TOMM40L: variants seen among roughly 807,000 people sequenced by gnomAD.
TOMM40L encodes the protein translocase of outer mitochondrial membrane 40 like.
In TOMM40L, 17 loss-of-function variants were observed where a neutral mutation model predicts 38.3. The ratio of observed to expected loss-of-function variants is 0.44; its 90% CI spans 0.30 to 0.67. The LOEUF is 0.67. TOMM40L is among the 30% of genes least tolerant of loss of function. The pLI, the probability that TOMM40L is intolerant of heterozygous loss-of-function variation, is 0.08. For missense variants in TOMM40L, 294 were observed against 390.0 expected, an observed-to-expected ratio of 0.75 and a Z score of 2.07; for synonymous variants, 151 against 150.2, an observed-to-expected ratio of 1.01 and a Z score of -0.04.
At position 161,229,105 on chromosome 1, in the gene TOMM40L, G is replaced by T. The variant is rs759761545; in HGVS notation, c.*10G>T. On this transcript the variant is annotated 3_prime_UTR_variant, in exon 10 of 10. Coordinates refer to ENST00000367988, the MANE Select transcript of TOMM40L (RefSeq NM_032174.6). ...CATCACTGTGGGCTGAGGTTGTCCAGAGCCAGCCCCCACAGCAGCTGGAAC... is the reference window on the plus strand; with the variant it reads ...CATCACTGTGGGCTGAGGTTGTCCATAGCCAGCCCCCACAGCAGCTGGAAC... The T allele has an allele frequency of 2.5e-5, 40 of 1,614,040 alleles. No individual in the cohort carries two copies. The highest frequency in any genetic ancestry group is 3.3e-5 in the Non-Finnish European group (39 of 1,180,034).
intron 8 of TOMM40L, 49 bp downstream of exon 8, chr1:161,228,553 C>A (rs1471365672): frequency 4.4e-6 from 7 of 1,605,566 alleles, no homozygotes; most frequent in African/African-American, 2.7e-5. Flanking sequence ...CAGTCATGAA[C>A]TTCTGTTCAT....
chr1:161,227,848 G>A, intron 5 of TOMM40L, 36 bp from the exon 6 acceptor site: 1 of 1,610,108 alleles, frequency 6.2e-7, no homozygotes, highest in Non-Finnish European at 8.5e-7. Flanking sequence ...ATCATAAAGA[G>A]GGAGGGAGAT....
At chr1:161,228,392 T>A in intron 7 of TOMM40L, 36 bp from the exon 8 acceptor site, 2 of 1,613,964 alleles carry the variant, frequency 1.2e-6, no homozygotes, top group Non-Finnish European at 1.7e-6. Context: ...ATACTACAGT[T>A]AACACTCCTT....
rs79157461 is a variant in TOMM40L, at chr1:161,228,915, T to A, written c.788-41T>A. The A allele has an allele frequency of 2.2e-3, 3,553 of 1,614,002 alleles. 83 individuals are homozygous for A. In the African/African-American group the frequency reaches 0.04, roughly 18 times the overall value. Reference sequence around the variant, plus strand: ...TACTTCTGGTGACTATTTCCTCCAATCCCTGTTAAATAATCTAGTGGGTAT... The same window carrying A: ...TACTTCTGGTGACTATTTCCTCCAAACCCTGTTAAATAATCTAGTGGGTAT... On this transcript the variant is annotated intron_variant, in intron 9 of 9. Coordinates refer to ENST00000367988, the MANE Select transcript of TOMM40L (RefSeq NM_032174.6).
chr1:161,229,573 T>C lies in TOMM40L; in HGVS notation c.*478T>C, dbSNP rs1230031382. ...AAGGAGCTTCTTTACCTCTTAGCCC[T>C]GAGGTTTCCTCCTTCCCATCTTCTG... On this transcript the variant is annotated 3_prime_UTR_variant, in exon 10 of 10. Coordinates refer to ENST00000367988, the MANE Select transcript of TOMM40L (RefSeq NM_032174.6). The C allele has an allele frequency of 6.7e-6, 10 of 1,486,356 alleles. No homozygotes were observed. Among genetic ancestry groups the C allele is most frequent in the Non-Finnish European group, 9.2e-6 (10 of 1,090,986 alleles). 92.1% of individuals were successfully genotyped at this position (1,486,356 alleles called of 1,614,324 possible). A position where few individuals can be genotyped will look rare whatever the true frequency, so the allele number is the denominator to read the frequency against.
At position 161,226,941 on chromosome 1, in the gene TOMM40L, A is replaced by G. The variant is rs1328226184; in HGVS notation, c.169A>G (p.Ser57Gly). Residue 57 changes from serine to glycine, a missense_variant, in exon 3 of 10, where the codon AGC (serine) becomes GGC (glycine). Ser to Gly is a moderately conservative substitution (Grantham distance 56). Transcript: ENST00000367988. The part of the protein sequence containing the change: ...GVKLVVNKVL[S>G]SHFQVAHTIH... ...GAAGCTCGTTGTCAACAAGGTTCTGAGCAGCCATTTCCAGGTGCTCCCACT... is the reference window on the plus strand; with the variant it reads ...GAAGCTCGTTGTCAACAAGGTTCTGGGCAGCCATTTCCAGGTGCTCCCACT... 6.2e-7 allele frequency: 1 copy of G among 1,613,898 alleles called. No individual in the cohort carries two copies. The highest frequency in any genetic ancestry group is 8.5e-7 in the Non-Finnish European group (1 of 1,179,994).
In TOMM40L at chr1:161,229,993, C is replaced by A; in HGVS notation, c.*898C>A. 1 of 1,581,062 alleles carries A rather than the reference C, an allele frequency of 6.3e-7. No homozygotes were observed. Among genetic ancestry groups the A allele is most frequent in the Admixed American group, 1.7e-5 (1 of 59,280 alleles). The stretch of plus-strand genomic sequence containing the variant: ...AATAAGGCAGTTGGGAGTCTTGTCT[C>A]TAGGCCCTGATCCCCTGAACTATTC... On this transcript the variant is annotated 3_prime_UTR_variant, in exon 10 of 10. Transcript: ENST00000367988.
At position 161,227,391 on chromosome 1, in the gene TOMM40L, A is replaced by G. The variant is rs760610216; in HGVS notation, c.276+41A>G. The stretch of plus-strand genomic sequence containing the variant: ...ACCTGGGTCATCTCCCTAAAAACCA[A>G]TCTGGGACCCAGGTCTGGAGGAAGA... On this transcript the variant is annotated intron_variant, in intron 4 of 9. Coordinates refer to ENST00000367988, the MANE Select transcript of TOMM40L (RefSeq NM_032174.6). 14 of 1,578,886 alleles carry G rather than the reference A, an allele frequency of 8.9e-6. No individual in the cohort carries two copies. In the South Asian group the frequency reaches 1.0e-4, roughly 11 times the overall value.
Position 161,230,743 on chromosome 1 carries a change from C to T in TOMM40L, c.*1648C>T. ...AAAGGACAGTAAAAAAACATTCCTCCCAAGCTCAATGTTTCACCAACCCCT... is the reference window on the plus strand; with the variant it reads ...AAAGGACAGTAAAAAAACATTCCTCTCAAGCTCAATGTTTCACCAACCCCT... On this transcript the variant is annotated 3_prime_UTR_variant, in exon 10 of 10. Transcript: ENST00000367988. 8 of 1,604,106 alleles carry T rather than the reference C, an allele frequency of 5.0e-6. No homozygotes were observed. The highest frequency in any genetic ancestry group is 6.0e-6 in the Non-Finnish European group (7 of 1,174,804).
In TOMM40L at chr1:161,226,422, G is replaced by T. The variant is rs1457534719; in HGVS notation, c.-68G>T. 1.4e-5 allele frequency: 20 copies of T among 1,393,806 alleles called. No individual in the cohort carries two copies. Among genetic ancestry groups the T allele is most frequent in the Non-Finnish European group, 1.6e-5 (16 of 1,015,440 alleles). 86.3% of individuals were successfully genotyped at this position (1,393,806 alleles called of 1,614,324 possible). On this transcript the variant is annotated 5_prime_UTR_variant, in exon 2 of 10. Coordinates refer to ENST00000367988, the MANE Select transcript of TOMM40L (RefSeq NM_032174.6). ...CGGATAATGGGGGGTGGGGCCCGTTGGGGGGTAAAGGGGCAATAGCGTCCT... is the reference window on the plus strand; with the variant it reads ...CGGATAATGGGGGGTGGGGCCCGTTTGGGGGTAAAGGGGCAATAGCGTCCT...
chr1:161,229,586 T>G lies in TOMM40L; in HGVS notation c.*491T>G. 6.5e-7 allele frequency: 1 copy of G among 1,549,782 alleles called. No individual in the cohort carries two copies. Among genetic ancestry groups the G allele is most frequent in the Non-Finnish European group, 8.8e-7 (1 of 1,138,970 alleles). On this transcript the variant is annotated 3_prime_UTR_variant, in exon 10 of 10. Coordinates refer to ENST00000367988, the MANE Select transcript of TOMM40L (RefSeq NM_032174.6). ...ACCTCTTAGCCCTGAGGTTTCCTCC[T>G]TCCCATCTTCTGTGCTTCCAGAGAA...
intron 2 of TOMM40L, 69 bp from the exon 3 acceptor site, chr1:161,226,819 G>A: frequency 3.2e-6 from 5 of 1,557,520 alleles, no homozygotes; most frequent in Admixed American, 1.7e-5. Flanking sequence ...GGATTGAAAG[G>A]GGAGACTATC....
At position 161,228,703 on chromosome 1, in the gene TOMM40L, C is replaced by T; in HGVS notation, c.685-12C>T. 1 of 1,613,552 alleles carries T rather than the reference C, an allele frequency of 6.2e-7. No homozygotes were observed. The highest frequency in any genetic ancestry group is 8.5e-7 in the Non-Finnish European group (1 of 1,179,520). On this transcript the variant is annotated splice_polypyrimidine_tract_variant and intron_variant, in intron 8 of 9. Coordinates refer to ENST00000367988, the MANE Select transcript of TOMM40L (RefSeq NM_032174.6). ...TACTGATCTCTCTCTCATCCTTGCC[C>T]ATGGTTCTCAGGTTCAGGTTGGAGT... is the stretch of plus-strand genomic sequence containing the variant.
intron 6 of TOMM40L, 63 bp from the exon 7 acceptor site, chr1:161,228,123 G>A: frequency 6.3e-7 from 1 of 1,577,654 alleles, no homozygotes; most frequent in Non-Finnish European, 8.6e-7. Context: ...GTTATTGGGA[G>A]TGAGGGAGCA....
Position 161,228,235 on chromosome 1 carries a change from G to A in TOMM40L, c.534G>A (p.Leu178=), listed in dbSNP as rs755542977. The A allele has an allele frequency of 1.4e-5, 23 of 1,607,544 alleles. No individual in the cohort carries two copies. Among genetic ancestry groups the A allele is most frequent in the Non-Finnish European group, 2.0e-5 (23 of 1,176,238 alleles). ...AGAGCCTCACTCATCGGCTGGTGCT[G>A]GGAGGAGAGCTAGTTTATCACCGGC... ...FLQSLTHRLV[L]GGELVYHRRP... The change falls in exon 7 of 10, where the codon CTG becomes CTA. Residue 178 remains leucine (L), a synonymous_variant. Transcript: ENST00000367988.
rs368521829 is a variant in TOMM40L, at chr1:161,229,674, T to C, written c.*579T>C. 29 of 1,613,836 alleles carry C rather than the reference T, an allele frequency of 1.8e-5. No individual in the cohort carries two copies. In the African/African-American group the frequency reaches 3.2e-4, roughly 18 times the overall value. ...ACCGCATGAAGAGGCAGTTATTGCT[T>C]TAGTCTTTCATTGCAACCACTGGGC... On this transcript the variant is annotated 3_prime_UTR_variant, in exon 10 of 10. Transcript: ENST00000367988.
chr1:161,227,496 C>T, intron 4 of TOMM40L, 140 bp from the exon 5 acceptor site: 3 of 1,055,218 alleles, frequency 2.8e-6, no homozygotes, highest in Non-Finnish European at 4.2e-6. Flanking sequence ...GGTAGAGAAA[C>T]ATTTTCTGTG....
intron 1 of TOMM40L, 22 bp from the exon 2 acceptor site, chr1:161,226,333 T>C: frequency 1.6e-6 from 1 of 639,450 alleles, no homozygotes; most frequent in Non-Finnish European, 2.7e-6. Flanking sequence ...AGTGCTCTCC[T>C]TCCCTACTCT....
Position 161,228,222 on chromosome 1 carries a change from A to C in TOMM40L, c.521A>C (p.His174Pro), listed in dbSNP as rs779145031. ...GCTCACTTCCTGCAGAGCCTCACTC[A>C]TCGGCTGGTGCTGGGAGGAGAGCTA... The part of the protein sequence containing the change: ...MVAHFLQSLT[H>P]RLVLGGELVY... Residue 174 changes from histidine (H) to proline (P), a missense_variant, in exon 7 of 10, where the codon CAT (histidine) becomes CCT (proline). Coordinates refer to ENST00000367988, the MANE Select transcript of TOMM40L (RefSeq NM_032174.6). The C allele has an allele frequency of 6.2e-7, 1 of 1,605,500 alleles. No homozygotes were observed. The highest frequency in any genetic ancestry group is 8.5e-7 in the Non-Finnish European group (1 of 1,175,028).
Sources: allele counts gnomAD v4.1 joint callset, GRCh38; gene constraint gnomAD v4.1.1; transcripts MANE v1.5; gene names NCBI Gene and HGNC (gene_info 2026-07-23, HGNC 2026-07-21).